KIAA0232: variants seen among roughly 807,000 people sequenced by gnomAD.
KIAA0232 encodes uncharacterized protein KIAA0232.
A neutral mutation model predicts 122.0 loss-of-function variants in KIAA0232; 27 were observed. The observed-to-expected ratio is 0.22, with a 90% CI of 0.16 to 0.31. The LOEUF (loss-of-function observed/expected upper bound fraction) is 0.31. Ranked by LOEUF, KIAA0232 falls within the 10% of genes least tolerant of loss-of-function variation. The pLI is 1.00. For missense variants in KIAA0232, 1,551 were observed against 1,634.2 expected (o/e 0.95, Z 0.88); for synonymous variants, 613 against 587.6 (o/e 1.04, Z -0.63).
At chr4:6,856,882 C>G (rs377506203) in intron 4 of KIAA0232, among the ~76,000 whole-genome samples, 2 of 152,240 alleles carry the variant, frequency 1.3e-5, no homozygotes, top group East Asian at 3.9e-4. Context: ...AGCAAGATGA[C>G]ACACCTTTGG....
chr4:6,807,267 A>T (rs1331787535), intron 2 of KIAA0232, among the ~76,000 whole-genome samples: 1 of 152,224 alleles, frequency 6.6e-6, no homozygotes, highest in Non-Finnish European at 1.5e-5. Flanking sequence ...CTTGCAATTT[A>T]TGAAAATATT....
intron 2 of KIAA0232, among the ~76,000 whole-genome samples, chr4:6,812,848 G>A (rs1367804771): frequency 2.0e-5 from 3 of 152,134 alleles, no homozygotes; most frequent in African/African-American, 7.2e-5. Context: ...TAAATTGAGA[G>A]AACAGTCCAC....
intron 3 of KIAA0232, among the ~76,000 whole-genome samples, chr4:6,835,516 G>A (rs1261126183): frequency 6.6e-6 from 1 of 152,198 alleles, no homozygotes; most frequent in Non-Finnish European, 1.5e-5. Context: ...TATGCACAAT[G>A]TGCAGGTTCG....
At chr4:6,788,761 C>G (rs1488225490) in intron 1 of KIAA0232, among the ~76,000 whole-genome samples, 2 of 152,168 alleles carry the variant, frequency 1.3e-5, no homozygotes, top group African/African-American at 4.8e-5. Flanking sequence ...TGTATGAGAA[C>G]TTAGTGAATC....
chr4:6,813,523 C>T (rs548892813), intron 2 of KIAA0232, among the ~76,000 whole-genome samples: 11 of 152,012 alleles, frequency 7.2e-5, no homozygotes, highest in African/African-American at 2.4e-4. Context: ...CCACCACGCC[C>T]GGCTAACTTT....
intron 4 of KIAA0232, among the ~76,000 whole-genome samples, chr4:6,850,826 C>T (rs544043979): frequency 2.6e-5 from 4 of 152,246 alleles, no homozygotes; most frequent in South Asian, 2.1e-4. Flanking sequence ...CATGCCACCA[C>T]GCCCAGCTAA....
At position 6,863,597 on chromosome 4, in the gene KIAA0232, C is replaced by G. The variant is rs745376614; in HGVS notation, c.3215C>G (p.Pro1072Arg). ...GIASFSPSFKPKSILCSDSDS... is the reference protein window; with the variant it reads ...GIASFSPSFKRKSILCSDSDS... ...GCATCTTTCAGCCCCAGTTTTAAAC[C>G]GAAATCAATCCTCTGTTCTGATTCA... Residue 1072 changes from proline (P) to arginine (R), a missense_variant, in exon 7 of 10, where the codon CCG becomes CGG. This residue lies in a region of KIAA0232 where 1,108 missense variants were observed against 1,154.8 expected (regional missense o/e 0.96). Coordinates refer to ENST00000307659, the MANE Select transcript of KIAA0232 (RefSeq NM_014743.3). The G allele has an allele frequency of 6.2e-7, 1 of 1,613,924 alleles. No individual in the cohort carries two copies. The highest frequency in any genetic ancestry group is 8.5e-7 in the Non-Finnish European group (1 of 1,180,008).
At chr4:6,865,218 C>T (rs1447293233) in intron 7 of KIAA0232, among the ~76,000 whole-genome samples, 2 of 152,202 alleles carry the variant, frequency 1.3e-5, no homozygotes, top group Non-Finnish European at 2.9e-5. Flanking sequence ...AAAAAAAGCA[C>T]AGCAGTCTGC....
At chr4:6,788,951 AAAT>A (rs1262321913) in intron 1 of KIAA0232, among the ~76,000 whole-genome samples, 5 of 150,762 alleles carry the variant, frequency 3.3e-5, no homozygotes, top group African/African-American at 1.2e-4. Context: ...GTAAAGAAAA[AAAT>A]CTCATTTTCT....
At position 6,863,841 on chromosome 4, in the gene KIAA0232, T is replaced by G; in HGVS notation, c.3459T>G (p.Pro1153=). 6.2e-7 allele frequency: 1 copy of G among 1,614,064 alleles called. No homozygotes were observed. Among genetic ancestry groups the G allele is most frequent in the Non-Finnish European group, 8.5e-7 (1 of 1,180,006 alleles). ...IFEDPQADLK[P]LEEDAEKEGH... is the part of the protein sequence containing the mutation. The stretch of plus-strand genomic sequence containing the variant: ...AAGATCCGCAGGCAGATCTCAAACC[T>G]TTGGAAGAAGATGCAGAGAAAGAAG... The change falls in exon 7 of 10, where the codon CCT becomes CCG. Residue 1153 remains proline (P), a synonymous_variant. Transcript: ENST00000307659.
At chr4:6,837,868 A>G (rs1027775713) in intron 3 of KIAA0232, among the ~76,000 whole-genome samples, 1 of 150,888 alleles carries the variant, frequency 6.6e-6, no homozygotes, top group Non-Finnish European at 1.5e-5. Context: ...GCGGCAGCAC[A>G]GTCCAGCCTT....
chr4:6,842,955 T>G (rs1560187744), intron 4 of KIAA0232, among the ~76,000 whole-genome samples: 1 of 152,202 alleles, frequency 6.6e-6, no homozygotes, highest in Non-Finnish European at 1.5e-5. Flanking sequence ...GTCTGTATTA[T>G]TACATTTGGA....
Position 6,863,731 on chromosome 4 carries a change from T to A in KIAA0232, c.3349T>A (p.Ser1117Thr), listed in dbSNP as rs768368819. ...TCGCCCAATTTCTGCATCCGAACTG[T>A]CCCCAGGAGGAGGAAGCGAGTCAGA... ...HFRPISASEL[S>T]PGGGSESEFE... is the part of the protein sequence containing the mutation. The change falls in exon 7 of 10, where the codon TCC (serine) becomes ACC (threonine). Residue 1117 changes from serine (S) to threonine (T), a missense_variant. Ser to Thr is a moderately conservative substitution (Grantham distance 58, BLOSUM62 1). Transcript: ENST00000307659. 3 of 1,614,150 alleles carry A rather than the reference T, an allele frequency of 1.9e-6. No homozygotes were observed. The highest frequency in any genetic ancestry group is 2.5e-6 in the Non-Finnish European group (3 of 1,180,022).
intron 3 of KIAA0232, among the ~76,000 whole-genome samples, chr4:6,828,718 G>T (rs970628855): frequency 3.3e-5 from 5 of 152,018 alleles, no homozygotes; most frequent in African/African-American, 1.2e-4. Context: ...TTGAATACTC[G>T]AAGTGACTCG....
chr4:6,817,676 T>C (rs1013661670), intron 2 of KIAA0232, among the ~76,000 whole-genome samples: 3 of 152,202 alleles, frequency 2.0e-5, no homozygotes, highest in Admixed American at 1.3e-4. Flanking sequence ...AGATACAGTT[T>C]ATCTTAGGTC....
Position 6,819,270 on chromosome 4 carries a change from A to G in KIAA0232, c.-269-4915A>G, listed in dbSNP as rs145700591. 3.1e-4 allele frequency among the ~76,000 whole-genome samples: 47 copies of G among 152,292 alleles called. No homozygotes were observed. The East Asian group carries it at 8.1e-3, about 26-fold the overall frequency. ...TTATGTACAGCAAAAGAAATTATCA[A>G]TAGAGTAAACGGTGTACAGTATTAA... On this transcript the variant is annotated intron_variant, in intron 2 of 9. Transcript: ENST00000307659.
At chr4:6,812,388 T>C (rs1413944922) in intron 2 of KIAA0232, among the ~76,000 whole-genome samples, 1 of 152,144 alleles carries the variant, frequency 6.6e-6, no homozygotes, top group Non-Finnish European at 1.5e-5. Context: ...GCTACCATAT[T>C]GGGCAGTGCA....
intron 7 of KIAA0232, among the ~76,000 whole-genome samples, chr4:6,867,548 A>G (rs1188055818): frequency 6.6e-6 from 1 of 152,232 alleles, no homozygotes; most frequent in Non-Finnish European, 1.5e-5. Context: ...ACTTAGTACC[A>G]AGCACCTTGA....
Position 6,861,998 on chromosome 4 carries a change from A to G in KIAA0232, c.1616A>G (p.Gln539Arg). 6.2e-7 allele frequency: 1 copy of G among 1,614,234 alleles called. No homozygotes were observed. The highest frequency in any genetic ancestry group is 1.3e-5 in the African/African-American group (1 of 75,074). ...GESRILNMIR[Q>R]KSKENTDFEA... ...AGTCGGATTTTGAATATGATTCGAC[A>G]GAAAAGCAAAGAGAACACAGATTTT... is the stretch of plus-strand genomic sequence containing the variant. The change falls in exon 7 of 10, where the codon CAG becomes CGG. Residue 539 changes from glutamine to arginine, a missense_variant. Gln to Arg is a conservative substitution (Grantham distance 43, BLOSUM62 1). Transcript: ENST00000307659.
Sources: allele counts gnomAD v4.1 joint callset (sites outside exome capture counted in the v4.1 genomes callset), GRCh38; gene constraint gnomAD v4.1.1; regional missense constraint gnomAD v4.1.1; transcripts MANE v1.5; gene names NCBI Gene and HGNC (gene_info 2026-07-23, HGNC 2026-07-21).